The following DNAJA1 variants were observed in gnomAD, a reference collection of about 807,000 sequenced individuals.
DNAJA1 encodes the protein dnaJ homolog subfamily A member 1.
DNAJA1 carries 26 observed loss-of-function variants against 47.6 expected under a neutral mutation model. The observed-to-expected ratio is 0.55, with a 90% CI of 0.40 to 0.76. The LOEUF is 0.76. DNAJA1 is among the 30% of genes least tolerant of loss of function. DNAJA1 has a pLI of 0.00. For missense variants in DNAJA1, 315 were observed against 485.0 expected (o/e 0.65, Z 3.29); for synonymous variants, 165 against 158.4 (o/e 1.04, Z -0.31).
chr9:33,034,387 G>GT, intron 6 of DNAJA1, 57 bp downstream of exon 6: 4 of 1,393,984 alleles, frequency 2.9e-6, no homozygotes, highest in Non-Finnish European at 3.0e-6. Flanking sequence ...TGTTGGTTTT[G>GT]TTTTTTGTTT....
intron 8 of DNAJA1, among the ~76,000 whole-genome samples, chr9:33,037,763 T>A (rs1374894291): frequency 6.6e-6 from 1 of 152,142 alleles, no homozygotes; most frequent in African/African-American, 2.4e-5. Flanking sequence ...GGATGGGGTT[T>A]TTTGCATCAT....
At chr9:33,033,463 T>A (rs1168331530) in intron 5 of DNAJA1, among the ~76,000 whole-genome samples, 2 of 151,832 alleles carry the variant, frequency 1.3e-5, no homozygotes, top group East Asian at 1.9e-4. Flanking sequence ...CACTATAGGA[T>A]GCCGAGGCAG....
intron 5 of DNAJA1, among the ~76,000 whole-genome samples, chr9:33,030,937 G>A (rs954325995): frequency 2.0e-5 from 3 of 152,174 alleles, no homozygotes; most frequent in African/African-American, 7.2e-5. Context: ...TGATTGAATA[G>A]TGTTCCAAAC....
intron 5 of DNAJA1, 84 bp downstream of exon 5, chr9:33,030,751 C>A (rs1439805906): frequency 3.4e-6 from 4 of 1,181,054 alleles, no homozygotes; most frequent in Non-Finnish European, 4.8e-6. Context: ...AAAAATCATT[C>A]TTAATTAGGT....
rs1839074710 is a variant in DNAJA1 at position 33,038,848 on chromosome 9, C to T, written c.1139C>T (p.Ala380Val). The change falls in exon 9 of 9, where the codon GCA becomes GTA. Residue 380 changes from alanine (A) to valine (V), a missense_variant. Ala to Val is a moderately conservative substitution (Grantham distance 64, BLOSUM62 0). This residue lies in a region of DNAJA1 where 162 missense variants were observed against 185.4 expected (regional missense o/e 0.87). Coordinates refer to ENST00000330899, the MANE Select transcript of DNAJA1 (RefSeq NM_001539.4). ...QERRRHYNGE[A>V]YEDDEHHPRG... ...AGACGGCGCCACTACAATGGAGAAGCATATGAGGATGATGAACATCATCCC... is the reference window on the plus strand; with the variant it reads ...AGACGGCGCCACTACAATGGAGAAGTATATGAGGATGATGAACATCATCCC... The T allele has an allele frequency of 6.2e-7, 1 of 1,613,842 alleles. No homozygotes were observed. Among genetic ancestry groups the T allele is most frequent in the African/African-American group, 1.3e-5 (1 of 74,898 alleles).
At position 33,034,888 on chromosome 9, in the gene DNAJA1, A is replaced by G. The variant is rs143646870; in HGVS notation, c.758+558A>G. 7.2e-5 allele frequency among the ~76,000 whole-genome samples: 11 copies of G among 152,214 alleles called. No homozygotes were observed. The East Asian group carries it at 2.1e-3, about 29-fold the overall frequency. ...CACCCTCTGTGCATGCTATATTCCC[A>G]GCAACTTGGGAGGCTGAGGTGGGAG... On this transcript the variant is annotated intron_variant, in intron 6 of 8. Transcript: ENST00000330899.
intron 5 of DNAJA1, among the ~76,000 whole-genome samples, chr9:33,031,540 T>A (rs1253924840): frequency 6.6e-6 from 1 of 152,160 alleles, no homozygotes; most frequent in Admixed American, 6.5e-5. Context: ...CAAGCGATTC[T>A]CCTGCCCCAG....
rs1839078350 is a variant in DNAJA1, at chr9:33,039,013, C to CACT, written c.*110_*111insACT. The stretch of plus-strand genomic sequence containing the variant: ...TTGCTCTTGTTTTTGTTTTAATAAA[C>CACT]TATAGTAGTGTTTTAAAAAGTTAAA... On this transcript the variant is annotated 3_prime_UTR_variant, in exon 9 of 9. Transcript: ENST00000330899. The CACT allele has an allele frequency of 9.3e-7, 1 of 1,079,062 alleles. No homozygotes were observed. Among genetic ancestry groups the CACT allele is most frequent in the Non-Finnish European group, 1.3e-6 (1 of 751,854 alleles). 66.8% of individuals were successfully genotyped at this position (1,079,062 alleles called of 1,614,324 possible).
At position 33,038,897 on chromosome 9, in the gene DNAJA1, C is replaced by T. The variant is rs1839075747; in HGVS notation, c.1188C>T (p.Thr396=). 1 of 1,611,068 alleles carries T rather than the reference C, an allele frequency of 6.2e-7. No homozygotes were observed. Residue 396 remains threonine, a synonymous_variant, in exon 9 of 9, where the codon ACC becomes ACT. Transcript: ENST00000330899. The stretch of plus-strand genomic sequence containing the variant: ...CCAGAGGTGGTGTTCAGTGTCAGAC[C>T]TCTTAATGGGCCAGTGAATAACACT... ...HHPRGGVQCQ[T]S
rs565834193 is a variant in DNAJA1, at chr9:33,029,228, G to A, written c.311-657G>A. 1.3e-3 allele frequency among the ~76,000 whole-genome samples: 191 copies of A among 152,308 alleles called. 2 individuals carry two copies. Among genetic ancestry groups the A allele is most frequent in the African/African-American group, 4.0e-3 (168 of 41,576 alleles). On this transcript the variant is annotated intron_variant, in intron 3 of 8. Transcript: ENST00000330899. ...AGCACATGTGATTGGTGGCTGCTAC[G>A]TTGGACAGAACAGATATAAAACATT...
chr9:33,032,733 T>G (rs1316779002), intron 5 of DNAJA1, among the ~76,000 whole-genome samples: 2 of 152,190 alleles, frequency 1.3e-5, no homozygotes, highest in African/African-American at 4.8e-5. Context: ...ATTGTTTAAT[T>G]TTGTCAGTGT....
chr9:33,038,037 T>G (rs954457288), intron 8 of DNAJA1, among the ~76,000 whole-genome samples: 1 of 151,714 alleles, frequency 6.6e-6, no homozygotes, highest in Non-Finnish European at 1.5e-5. Flanking sequence ...GGGAGTCTTG[T>G]TCTGTCACCC....
At chr9:33,033,547 A>T (rs113684143) in intron 5 of DNAJA1, among the ~76,000 whole-genome samples, 77 of 151,950 alleles carry the variant, frequency 5.1e-4, no homozygotes, top group African/African-American at 1.8e-3. Context: ...AAAAAAAAAA[A>T]TTCAAAAATT....
intron 5 of DNAJA1, among the ~76,000 whole-genome samples, chr9:33,031,798 G>A (rs1209935613): frequency 1.3e-5 from 2 of 152,092 alleles, no homozygotes; most frequent in African/African-American, 4.8e-5. Flanking sequence ...ATATTTAAAT[G>A]CTCCGTTAAT....
At chr9:33,029,099 A>C (rs796072301) in intron 3 of DNAJA1, among the ~76,000 whole-genome samples, 4 of 152,352 alleles carry the variant, frequency 2.6e-5, no homozygotes, top group African/African-American at 9.6e-5. Flanking sequence ...TAAGTGAAGT[A>C]AGGCACTCCT....
Position 33,036,698 on chromosome 9 carries a change from AC to A in DNAJA1, c.874+10del. On this transcript the variant is annotated intron_variant, in intron 7 of 8. Coordinates refer to ENST00000330899, the MANE Select transcript of DNAJA1 (RefSeq NM_001539.4). ...CATCACCTCTCATCCAGGTATGGGAACTAGGCAAGCTTAAACTTCTCTTTTC... is the reference window on the plus strand; with the variant it reads ...CATCACCTCTCATCCAGGTATGGGAATAGGCAAGCTTAAACTTCTCTTTTC... 1 of 1,593,048 alleles carries A rather than the reference AC, an allele frequency of 6.3e-7. No homozygotes were observed. Among genetic ancestry groups the A allele is most frequent in the African/African-American group, 1.3e-5 (1 of 74,390 alleles).
Position 33,038,976 on chromosome 9 carries a change from T to C in DNAJA1, c.*73T>C. On this transcript the variant is annotated 3_prime_UTR_variant, in exon 9 of 9. Coordinates refer to ENST00000330899, the MANE Select transcript of DNAJA1 (RefSeq NM_001539.4). ...AATGAGTGAAGGACTGTAATCATAA[T>C]ATGCTCACTACTTGCTCTTGTTTTT... 7.5e-7 allele frequency: 1 copy of C among 1,329,250 alleles called. No individual in the cohort carries two copies. Among genetic ancestry groups the C allele is most frequent in the Non-Finnish European group, 1.1e-6 (1 of 951,326 alleles). The allele number at this position is 1,329,250 out of a possible 1,614,324, so 82.3% of individuals were successfully genotyped here. A position where few individuals can be genotyped will look rare whatever the true frequency, so the allele number is the denominator to read the frequency against.
In DNAJA1 at chr9:33,039,535, T is replaced by TTATATATATATATATATATATATATATA. The variant is rs1839087089; in HGVS notation, c.*632_*633insTATATATATATATATATATATATATATA. The TTATATATATATATATATATATATATATA allele has an allele frequency of 9.8e-6, 1 of 102,200 alleles. No individual in the cohort carries two copies. Among genetic ancestry groups the TTATATATATATATATATATATATATATA allele is most frequent in the Non-Finnish European group, 2.3e-5 (1 of 43,216 alleles). The allele number at this position is 102,200 out of a possible 1,614,324, so 6.3% of individuals were successfully genotyped here. ...ATTGTGTTTCCTTCTGCTGTGCCAT[T>TTATATATATATATATATATATATATATA]CATATATATATACATATATATATAT... On this transcript the variant is annotated 3_prime_UTR_variant, in exon 9 of 9. Coordinates refer to ENST00000330899, the MANE Select transcript of DNAJA1 (RefSeq NM_001539.4).
rs200841542 is a variant in DNAJA1, at chr9:33,029,916, C to T, written c.342C>T (p.Thr114=). 12 of 1,611,464 alleles carry T rather than the reference C, an allele frequency of 7.4e-6. No individual in the cohort carries two copies. The Admixed American group carries it at 8.4e-5, about 11-fold the overall frequency. Residue 114 remains threonine (T), a synonymous_variant, in exon 4 of 9, where the codon ACC becomes ACT. Transcript: ENST00000330899. ...ATGTTGTACATCAGCTCTCAGTAACCCTAGAAGACTTATATAATGGTGCAA... is the reference window on the plus strand; with the variant it reads ...ATGTTGTACATCAGCTCTCAGTAACTCTAGAAGACTTATATAATGGTGCAA... ...GKNVVHQLSV[T]LEDLYNGATR...
Sources: gnomAD v4.1 joint callset for allele counts (sites outside exome capture counted in the v4.1 genomes callset) on GRCh38, gnomAD v4.1.1 for gene constraint, gnomAD v4.1.1 regional missense constraint, MANE v1.5 for transcripts, NCBI Gene and HGNC (gene_info 2026-07-23, HGNC 2026-07-21) for gene names.